The following CEMIP variants were observed in gnomAD, a reference collection of about 807,000 sequenced individuals.
The protein encoded by CEMIP is cell migration inducing hyaluronidase 1.
Under a neutral mutation model 156.9 loss-of-function variants are expected in CEMIP, and 105 were observed. The observed-to-expected ratio is 0.67, with a 90% CI of 0.57 to 0.79. The LOEUF is 0.79. CEMIP is among the 30% of genes least tolerant of loss of function. The pLI is 0.00. For synonymous variants in CEMIP, 676 were observed against 668.4 expected (o/e 1.01, Z -0.17); for missense variants, 1,457 against 1,769.4 (o/e 0.82, Z 3.17).
intron 1 of CEMIP, among the ~76,000 whole-genome samples, chr15:80,829,813 GT>G (rs1220483107): frequency 1.3e-5 from 2 of 152,172 alleles, no homozygotes; most frequent in Non-Finnish European, 2.9e-5. Context: ...GGAGTATTGG[GT>G]TTTTATGGGG....
intron 1 of CEMIP, among the ~76,000 whole-genome samples, chr15:80,860,030 C>T (rs1221248629): frequency 1.3e-5 from 2 of 152,180 alleles, no homozygotes; most frequent in Admixed American, 6.5e-5. Context: ...CACACGCACA[C>T]ACACATACAC....
intron 13 of CEMIP, among the ~76,000 whole-genome samples, chr15:80,908,079 T>C (rs1175461388): frequency 6.6e-6 from 1 of 152,178 alleles, no homozygotes; most frequent in East Asian, 1.9e-4. Flanking sequence ...CGCTCCCCAG[T>C]TATTATCACC....
chr15:80,870,356 T>C (rs1420347354), intron 1 of CEMIP, among the ~76,000 whole-genome samples: 1 of 152,138 alleles, frequency 6.6e-6, no homozygotes, highest in Non-Finnish European at 1.5e-5. Context: ...TCTTACCTCC[T>C]GCTACCTCTT....
intron 12 of CEMIP, chr15:80,896,482 C>T: frequency 1.0e-5 from 4 of 387,392 alleles, no homozygotes; most frequent in South Asian, 5.9e-5. Context: ...GCTAGGGAAG[C>T]ATATGTCTGT....
At chr15:80,811,648 G>A (rs115832852) in intron 1 of CEMIP, among the ~76,000 whole-genome samples, 222 of 152,294 alleles carry the variant, frequency 1.5e-3, no homozygotes, top group African/African-American at 5.0e-3. Flanking sequence ...TCTGCCTCCC[G>A]GAGTCAAACG....
intron 14 of CEMIP, among the ~76,000 whole-genome samples, chr15:80,914,933 G>A (rs1040868957): frequency 6.6e-6 from 1 of 152,044 alleles, no homozygotes; most frequent in Non-Finnish European, 1.5e-5. Flanking sequence ...TCGGAAAGGG[G>A]GAGTGCTGAT....
chr15:80,790,874 T>C (rs1385087), intron 1 of CEMIP, among the ~76,000 whole-genome samples: 8,703 of 152,200 alleles, frequency 0.057, 297 homozygotes, highest in East Asian at 0.075. Context: ...GCTCACAGTT[T>C]AGTTGAGGAG....
At chr15:80,845,106 A>G (rs1897521898) in intron 1 of CEMIP, among the ~76,000 whole-genome samples, 1 of 152,340 alleles carries the variant, frequency 6.6e-6, no homozygotes, top group East Asian at 1.9e-4. Flanking sequence ...CAGTAATTTG[A>G]CAATTATTTA....
At chr15:80,847,845 G>A (rs1242188775) in intron 1 of CEMIP, among the ~76,000 whole-genome samples, 1 of 152,214 alleles carries the variant, frequency 6.6e-6, no homozygotes, top group African/African-American at 2.4e-5. Context: ...CAGTGTCCCT[G>A]CCCACCCAGG....
At chr15:80,801,673 G>A (rs1249498380) in intron 1 of CEMIP, among the ~76,000 whole-genome samples, 1 of 152,128 alleles carries the variant, frequency 6.6e-6, no homozygotes, top group Non-Finnish European at 1.5e-5. Flanking sequence ...TGAGTGGAAT[G>A]GTTGATTGAT....
At chr15:80,785,394 TG>T (rs1895904856) in intron 1 of CEMIP, among the ~76,000 whole-genome samples, 1 of 152,240 alleles carries the variant, frequency 6.6e-6, no homozygotes, top group African/African-American at 2.4e-5. Context: ...CAGTACATTC[TG>T]GGTAGCCCAA....
At chr15:80,835,678 A>G (rs1897256567) in intron 1 of CEMIP, among the ~76,000 whole-genome samples, 2 of 152,224 alleles carry the variant, frequency 1.3e-5, no homozygotes, top group Admixed American at 1.3e-4. Flanking sequence ...CCTTGAGGAC[A>G]TTGTGTATGT....
At chr15:80,907,766 T>A (rs1403727129) in intron 13 of CEMIP, among the ~76,000 whole-genome samples, 2 of 152,248 alleles carry the variant, frequency 1.3e-5, no homozygotes, top group Non-Finnish European at 2.9e-5. Flanking sequence ...CAATGCAAAG[T>A]GCCTTTTCCA....
intron 14 of CEMIP, among the ~76,000 whole-genome samples, chr15:80,910,828 T>C (rs1214817083): frequency 6.6e-6 from 1 of 152,246 alleles, no homozygotes; most frequent in Non-Finnish European, 1.5e-5. Flanking sequence ...ACATGAAGGC[T>C]GATTCTCCCC....
chr15:80,851,808 C>T (rs1383953246), intron 1 of CEMIP, among the ~76,000 whole-genome samples: 2 of 151,974 alleles, frequency 1.3e-5, no homozygotes, highest in Non-Finnish European at 2.9e-5. Flanking sequence ...TATCTAGGGG[C>T]CACTTCTTGA....
chr15:80,829,531 A>G (rs528439969), intron 1 of CEMIP, among the ~76,000 whole-genome samples: 3 of 152,172 alleles, frequency 2.0e-5, no homozygotes, highest in Non-Finnish European at 4.4e-5. Flanking sequence ...CACCCCTTAG[A>G]TCAGTTCTCA....
At chr15:80,903,908 G>A (rs537132492) in intron 12 of CEMIP, among the ~76,000 whole-genome samples, 29 of 152,322 alleles carry the variant, frequency 1.9e-4, no homozygotes, top group Admixed American at 1.4e-3. Context: ...GTGGGTGGCC[G>A]GAAGGAGCCC....
chr15:80,886,251 G>A (rs2141838777), intron 7 of CEMIP, among the ~76,000 whole-genome samples: 1 of 152,256 alleles, frequency 6.6e-6, no homozygotes, highest in South Asian at 2.1e-4. Flanking sequence ...CTCTCCCAAA[G>A]AAGGTGGGGA....
intron 11 of CEMIP, 102 bp from the exon 12 acceptor site, chr15:80,895,767 C>T (rs1277410719): frequency 1.9e-6 from 2 of 1,069,616 alleles, no homozygotes; most frequent in Admixed American, 3.8e-5. Context: ...ATAGGCAAAC[C>T]TGGCATTTAG....
Sources: gnomAD v4.1 joint callset for allele counts (sites outside exome capture counted in the v4.1 genomes callset) on GRCh38, gnomAD v4.1.1 for gene constraint, MANE v1.5 for transcripts, NCBI Gene and HGNC (gene_info 2026-07-23, HGNC 2026-07-21) for gene names.